AMBRA1: variants seen among roughly 807,000 people sequenced by gnomAD.
AMBRA1 encodes the protein autophagy and beclin 1 regulator 1.
A neutral mutation model predicts 125.4 loss-of-function variants in AMBRA1; 47 were observed. The observed-to-expected ratio is 0.37, with a 90% CI of 0.30 to 0.48. The LOEUF is 0.48. Ranked by LOEUF, AMBRA1 falls within the 20% of genes least tolerant of loss-of-function variation. The probability of loss-of-function intolerance (pLI) is 0.99; values close to 1 mark genes in which losing one functional copy is unlikely to be tolerated. For synonymous variants in AMBRA1, 626 were observed against 655.5 expected (o/e 0.95, Z 0.69); for missense variants, 1,331 against 1,693.4 (o/e 0.79, Z 3.76).
intron 11 of AMBRA1, among the ~76,000 whole-genome samples, chr11:46,461,698 T>C (rs1245591106): frequency 3.3e-5 from 5 of 152,246 alleles, no homozygotes; most frequent in African/African-American, 1.2e-4. Context: ...ATCAAGTTCA[T>C]ACCATGTAAA....
Position 46,408,464 on chromosome 11 carries a change from C to G in AMBRA1, c.3403+49G>C. ...TCCTGAGTGGGAAGTGGCACTCACTCGGTCTTAGGGTCCCTCTCCCACCCC... is the reference window on the plus strand; with the variant it reads ...TCCTGAGTGGGAAGTGGCACTCACTGGGTCTTAGGGTCCCTCTCCCACCCC... On this transcript the variant is annotated intron_variant, in intron 17 of 17. Coordinates refer to ENST00000683756, the MANE Select transcript of AMBRA1 (RefSeq NM_001387011.1). The G allele has an allele frequency of 4.9e-6, 7 of 1,417,646 alleles. No individual in the cohort carries two copies. The South Asian group carries it at 1.2e-4, about 24-fold the overall frequency. 87.8% of individuals were successfully genotyped at this position (1,417,646 alleles called of 1,614,324 possible). A position where few individuals can be genotyped will look rare whatever the true frequency, so the allele number is the denominator to read the frequency against.
chr11:46,580,219 C>T (rs1464723390), intron 1 of AMBRA1, among the ~76,000 whole-genome samples: 1 of 152,142 alleles, frequency 6.6e-6, no homozygotes, highest in African/African-American at 2.4e-5. Flanking sequence ...TCTCTAATAA[C>T]AAGCTCTTAC....
intron 7 of AMBRA1, among the ~76,000 whole-genome samples, chr11:46,517,931 TAGAG>T (rs1003674106): frequency 6.7e-6 from 1 of 149,860 alleles, no homozygotes; most frequent in Non-Finnish European, 1.5e-5. Context: ...CGTATATATA[TAGAG>T]AGAGAGAGAA....
intron 7 of AMBRA1, among the ~76,000 whole-genome samples, chr11:46,520,880 C>A (rs1458635240): frequency 6.6e-6 from 1 of 151,964 alleles, no homozygotes; most frequent in African/African-American, 2.4e-5. Context: ...GTTGGGATTA[C>A]AGGCGTGAGC....
chr11:46,538,390 A>G (rs1160936712), intron 7 of AMBRA1, among the ~76,000 whole-genome samples: 1 of 152,260 alleles, frequency 6.6e-6, no homozygotes, highest in Non-Finnish European at 1.5e-5. Flanking sequence ...TCATTTTTAT[A>G]ATACACATTT....
rs1021333272 is a variant in AMBRA1, at chr11:46,474,166, G to GA, written c.2521+19441dup. ...TCAGGGTGCTGCCCTGATTTAGGAAGAAAAAAAAAAAAGAGTAGCAATAAA... is the reference window on the plus strand; with the variant it reads ...TCAGGGTGCTGCCCTGATTTAGGAAGAAAAAAAAAAAAAGAGTAGCAATAAA... On this transcript the variant is annotated intron_variant, in intron 11 of 17. Transcript: ENST00000683756. 1.9e-3 allele frequency among the ~76,000 whole-genome samples: 251 copies of GA among 133,932 alleles called. 3 individuals are homozygous for GA. Among genetic ancestry groups the GA allele is most frequent in the South Asian group, 2.6e-3 (11 of 4,238 alleles). 87.9% of individuals were successfully genotyped at this position (133,932 alleles called of 152,430 possible). A position where few individuals can be genotyped will look rare whatever the true frequency, so the allele number is the denominator to read the frequency against.
chr11:46,444,000 C>T (rs1328064772), intron 11 of AMBRA1, among the ~76,000 whole-genome samples: 1 of 152,156 alleles, frequency 6.6e-6, no homozygotes, highest in African/African-American at 2.4e-5. Context: ...GCATTTCAGT[C>T]CCTGGACATC....
intron 1 of AMBRA1, among the ~76,000 whole-genome samples, chr11:46,585,957 C>A (rs568837262): frequency 6.6e-6 from 1 of 150,838 alleles, no homozygotes; most frequent in East Asian, 2.0e-4. Flanking sequence ...AGGCATGCAC[C>A]ACCACACCCA....
chr11:46,557,111 G>T (rs1368154597), intron 1 of AMBRA1, among the ~76,000 whole-genome samples: 1 of 151,354 alleles, frequency 6.6e-6, no homozygotes, highest in African/African-American at 2.4e-5. Context: ...ACTCCAGCCT[G>T]GGCAACAAGA....
intron 11 of AMBRA1, among the ~76,000 whole-genome samples, chr11:46,472,116 G>T (rs888882378): frequency 6.6e-6 from 1 of 152,198 alleles, no homozygotes; most frequent in African/African-American, 2.4e-5. Context: ...CCTATGAAAA[G>T]ATTCTGTGCA....
At chr11:46,515,498 A>C (rs117032845) in intron 7 of AMBRA1, among the ~76,000 whole-genome samples, 2,604 of 152,118 alleles carry the variant, frequency 0.017, 173 homozygotes, top group East Asian at 0.13. Flanking sequence ...ACAAACAAAC[A>C]AACAAAAATA....
At chr11:46,589,400 G>A (rs940578442) in intron 1 of AMBRA1, among the ~76,000 whole-genome samples, 6 of 152,172 alleles carry the variant, frequency 3.9e-5, no homozygotes, top group Non-Finnish European at 7.3e-5. Flanking sequence ...CTGAGTTTAT[G>A]AGGAACAATT....
At chr11:46,558,450 G>C in intron 1 of AMBRA1, among the ~76,000 whole-genome samples, 1 of 149,332 alleles carries the variant, frequency 6.7e-6, no homozygotes, top group Non-Finnish European at 1.5e-5. Context: ...TCAGGAGGCT[G>C]AGGTAGGAGA....
chr11:46,521,125 T>C (rs1474874075), intron 7 of AMBRA1, among the ~76,000 whole-genome samples: 1 of 152,222 alleles, frequency 6.6e-6, no homozygotes, highest in African/African-American at 2.4e-5. Context: ...ACCTATCTGG[T>C]TGCCCCTCAC....
intron 11 of AMBRA1, among the ~76,000 whole-genome samples, chr11:46,458,772 T>C (rs948601993): frequency 1.3e-5 from 2 of 152,120 alleles, no homozygotes; most frequent in Non-Finnish European, 2.9e-5. Context: ...CCTCACATTT[T>C]AGATACTGTC....
At chr11:46,432,473 C>T (rs573505033) in intron 14 of AMBRA1, among the ~76,000 whole-genome samples, 1 of 152,246 alleles carries the variant, frequency 6.6e-6, no homozygotes, top group African/African-American at 2.4e-5. Context: ...GAGGAAAGGA[C>T]CACACCAGGC....
chr11:46,581,390 C>A (rs1048817641), intron 1 of AMBRA1, among the ~76,000 whole-genome samples: 1 of 151,898 alleles, frequency 6.6e-6, no homozygotes, highest in Non-Finnish European at 1.5e-5. Flanking sequence ...AGGCAGATCA[C>A]GAAGTCAGGA....
intron 7 of AMBRA1, among the ~76,000 whole-genome samples, chr11:46,523,318 C>A (rs1359110011): frequency 6.6e-6 from 1 of 152,186 alleles, no homozygotes; most frequent in Non-Finnish European, 1.5e-5. Context: ...TTGGACTCAA[C>A]ATTTGACTCT....
intron 11 of AMBRA1, among the ~76,000 whole-genome samples, chr11:46,473,449 G>A (rs1002990465): frequency 6.6e-6 from 1 of 152,194 alleles, no homozygotes; most frequent in African/African-American, 2.4e-5. Flanking sequence ...TCTCTGATAG[G>A]ATGAGTATTG....
Sources: gnomAD v4.1 joint callset for allele counts (sites outside exome capture counted in the v4.1 genomes callset) on GRCh38, gnomAD v4.1.1 for gene constraint, MANE v1.5 for transcripts, NCBI Gene and HGNC (gene_info 2026-07-23, HGNC 2026-07-21) for gene names.